The following NOX3 variants were observed in gnomAD, a reference collection of about 807,000 sequenced individuals.
The protein encoded by NOX3 is NADPH oxidase catalytic subunit-like 3.
Under a neutral mutation model 76.7 loss-of-function variants are expected in NOX3, and 74 were observed. The ratio of observed to expected loss-of-function variants is 0.96; its 90% CI spans 0.80 to 1.17. The LOEUF (loss-of-function observed/expected upper bound fraction) is 1.17, where lower values mean the gene tolerates loss of function less well. NOX3 is among the 50% of genes most tolerant of loss of function. The probability of loss-of-function intolerance (pLI) is 0.00; values close to 1 mark genes in which losing one functional copy is unlikely to be tolerated. For missense variants in NOX3, 695 were observed against 703.3 expected (o/e 0.99, Z 0.13); for synonymous variants, 263 against 261.1 (o/e 1.01, Z -0.07).
intron 12 of NOX3, among the ~76,000 whole-genome samples, chr6:155,397,171 A>G (rs1188822081): frequency 2.0e-5 from 3 of 152,054 alleles, no homozygotes; most frequent in African/African-American, 4.8e-5. Context: ...TAAATTAATC[A>G]GGGAGGTGGA....
intron 9 of NOX3, among the ~76,000 whole-genome samples, chr6:155,425,178 A>T (rs181223082): frequency 6.6e-6 from 1 of 152,332 alleles, no homozygotes; most frequent in Admixed American, 6.5e-5. Context: ...CCTTTCTGAG[A>T]AGCACATTCC....
chr6:155,403,532 A>G (rs1036612506), intron 12 of NOX3, among the ~76,000 whole-genome samples: 5 of 152,148 alleles, frequency 3.3e-5, no homozygotes, highest in African/African-American at 9.7e-5. Flanking sequence ...GGCCTCGTCT[A>G]CTCTGGAAGA....
At chr6:155,421,121 T>C (rs1582934595) in intron 10 of NOX3, among the ~76,000 whole-genome samples, 1 of 152,196 alleles carries the variant, frequency 6.6e-6, no homozygotes, top group South Asian at 2.1e-4. Context: ...TCCTAAAATA[T>C]TGCTCCAGGG....
chr6:155,403,669 A>T (rs770045512), intron 12 of NOX3, among the ~76,000 whole-genome samples: 88 of 152,184 alleles, frequency 5.8e-4, no homozygotes, highest in Non-Finnish European at 8.1e-4. Context: ...GCAACAGGGA[A>T]AGTGATGGTA....
chr6:155,448,552 G>A (rs937971683), intron 4 of NOX3, among the ~76,000 whole-genome samples: 1 of 150,662 alleles, frequency 6.6e-6, no homozygotes, highest in African/African-American at 2.4e-5. Context: ...TTTTAAGAGA[G>A]CAGCAATTTT....
At chr6:155,445,318 C>T (rs183263451) in intron 4 of NOX3, among the ~76,000 whole-genome samples, 1 of 152,270 alleles carries the variant, frequency 6.6e-6, no homozygotes, top group Non-Finnish European at 1.5e-5. Flanking sequence ...AAAGTCTATA[C>T]AGGTTGTGAG....
At chr6:155,440,296 A>G (rs930701961) in intron 5 of NOX3, among the ~76,000 whole-genome samples, 159 bp from the exon 6 acceptor site, 2 of 152,078 alleles carry the variant, frequency 1.3e-5, no homozygotes, top group African/African-American at 4.8e-5. Flanking sequence ...CGTTAGCCTC[A>G]GCGAGGATGC....
intron 3 of NOX3, 22 bp from the exon 4 acceptor site, chr6:155,453,510 C>T (rs759455269): frequency 5.5e-5 from 86 of 1,569,072 alleles, no homozygotes; most frequent in Non-Finnish European, 7.2e-5. Context: ...AAAAAATATG[C>T]CTGATTTATG....
intron 12 of NOX3, among the ~76,000 whole-genome samples, chr6:155,404,152 A>C (rs1779274242): frequency 6.6e-6 from 1 of 151,752 alleles, no homozygotes; most frequent in African/African-American, 2.4e-5. Flanking sequence ...AAAGGAGAAA[A>C]TAGCAACAAA....
chr6:155,411,002 G>A (rs1432735588), intron 11 of NOX3, among the ~76,000 whole-genome samples: 2 of 152,176 alleles, frequency 1.3e-5, no homozygotes, highest in Admixed American at 1.3e-4. Flanking sequence ...TCCTCAGCAA[G>A]TTAACTGTAG....
At chr6:155,409,120 G>A (rs978014281) in intron 11 of NOX3, among the ~76,000 whole-genome samples, 1 of 152,174 alleles carries the variant, frequency 6.6e-6, no homozygotes, top group Non-Finnish European at 1.5e-5. Flanking sequence ...AGAAATCCAG[G>A]TCGTAGGAAG....
At position 155,396,854 on chromosome 6, in the gene NOX3, G is replaced by A. The variant is rs755099820; in HGVS notation, c.1689C>T (p.Tyr563=). Reference sequence around the variant, plus strand: ...CCAAAGTCTAGAAGCTCTCCTTGTTGTAATAGAAATGAACACCTCTGGGGT... The same window carrying A: ...CCAAAGTCTAGAAGCTCTCCTTGTTATAATAGAAATGAACACCTCTGGGGT... ...SADPRGVHFY[Y]NKESF is the part of the protein sequence containing the mutation. Residue 563 remains tyrosine (Y), a synonymous_variant, in exon 13 of 14, where the codon TAC becomes TAT. Coordinates refer to ENST00000159060, the MANE Select transcript of NOX3 (RefSeq NM_015718.3). The A allele has an allele frequency of 1.2e-6, 2 of 1,611,742 alleles. No individual in the cohort carries two copies. The highest frequency in any genetic ancestry group is 4.5e-5 in the East Asian group (2 of 44,786).
intron 10 of NOX3, among the ~76,000 whole-genome samples, chr6:155,418,921 C>A (rs1287838593): frequency 6.6e-6 from 1 of 152,258 alleles, no homozygotes; most frequent in East Asian, 1.9e-4. Context: ...CCCACCTAAT[C>A]GCAGTTAACC....
At chr6:155,451,700 C>T (rs1437970459) in intron 4 of NOX3, among the ~76,000 whole-genome samples, 1 of 151,994 alleles carries the variant, frequency 6.6e-6, no homozygotes. Context: ...TTTTAGCTCC[C>T]TGCAACCTTC....
At chr6:155,421,432 G>C (rs1290880196) in intron 10 of NOX3, among the ~76,000 whole-genome samples, 1 of 152,032 alleles carries the variant, frequency 6.6e-6, no homozygotes, top group East Asian at 1.9e-4. Context: ...CCCGAGTTTA[G>C]AGATCTTCTA....
intron 4 of NOX3, 124 bp downstream of exon 4, chr6:155,453,280 T>G: frequency 1.3e-6 from 1 of 751,718 alleles, no homozygotes; most frequent in Non-Finnish European, 2.4e-6. Flanking sequence ...GTTTACAGGG[T>G]CAGATAAAGG....
chr6:155,418,048 G>A (rs931258592), intron 10 of NOX3, among the ~76,000 whole-genome samples: 3 of 152,154 alleles, frequency 2.0e-5, no homozygotes, highest in African/African-American at 7.2e-5. Context: ...TTAAGAAAAC[G>A]AACCGCATCT....
At chr6:155,444,087 A>G (rs1291050531) in intron 4 of NOX3, among the ~76,000 whole-genome samples, 1 of 152,190 alleles carries the variant, frequency 6.6e-6, no homozygotes, top group Non-Finnish European at 1.5e-5. Context: ...AGATACCAGG[A>G]GAGATATTGT....
intron 4 of NOX3, among the ~76,000 whole-genome samples, chr6:155,450,765 G>A (rs1053393896): frequency 6.6e-6 from 1 of 152,080 alleles, no homozygotes; most frequent in African/African-American, 2.4e-5. Flanking sequence ...CTAGGAGCTG[G>A]GTGTGCCCAA....
Sources: allele counts gnomAD v4.1 joint callset (sites outside exome capture counted in the v4.1 genomes callset), GRCh38; gene constraint gnomAD v4.1.1; transcripts MANE v1.5; gene names NCBI Gene and HGNC (gene_info 2026-07-23, HGNC 2026-07-21).